Variants in ANO2 observed in about 807,000 individuals in gnomAD.
ANO2 encodes anoctamin 2.
Under a neutral mutation model 124.2 loss-of-function variants are expected in ANO2, and 101 were observed. The observed-to-expected ratio is 0.81, with a 90% CI of 0.69 to 0.96. ANO2 has a LOEUF of 0.96. ANO2 is among the 40% of genes least tolerant of loss of function. The probability of loss-of-function intolerance (pLI) is 0.00; values close to 1 mark genes in which losing one functional copy is unlikely to be tolerated. For synonymous variants in ANO2, 486 were observed against 482.5 expected (o/e 1.01, Z -0.09); for missense variants, 1,293 against 1,274.5 (o/e 1.01, Z -0.22).
intron 7 of ANO2, among the ~76,000 whole-genome samples, chr12:5,815,898 C>T (rs1217193223): frequency 6.6e-6 from 1 of 152,010 alleles, no homozygotes; most frequent in Non-Finnish European, 1.5e-5. Context: ...TAAAAGTAGG[C>T]ATTCAATAAA....
chr12:5,694,804 C>A (rs1949102319), intron 14 of ANO2, among the ~76,000 whole-genome samples: 1 of 152,018 alleles, frequency 6.6e-6, no homozygotes. Flanking sequence ...GCATTGGTGG[C>A]AGGGCTGAGA....
At position 5,648,745 on chromosome 12, in the gene ANO2, C is replaced by T. The variant is rs547689586; in HGVS notation, c.1546-944G>A. On this transcript the variant is annotated intron_variant, in intron 14 of 24. Coordinates refer to ENST00000682330, the MANE Select transcript of ANO2 (RefSeq NM_001364791.2). ...GGTAGCTGGGAAGACCATCTGAAGC[C>T]GTGTTTGGGAAGGTGCCGAGAATAT... is the stretch of plus-strand genomic sequence containing the variant. 3.3e-5 allele frequency among the ~76,000 whole-genome samples: 5 copies of T among 152,286 alleles called. No individual in the cohort carries two copies. In the East Asian group the frequency reaches 9.7e-4, roughly 29 times the overall value.
In ANO2 at chr12:5,717,334, T is replaced by C. The variant is rs145117444; in HGVS notation, c.1545+15186A>G. Among the ~76,000 whole-genome samples the C allele has an allele frequency of 3.9e-3, 601 of 152,314 alleles. 5 individuals are homozygous for C. The highest frequency in any genetic ancestry group is 0.013 in the African/African-American group (550 of 41,568). ...TTGACCCAGAGGGTATGGAATTGCA[T>C]AGCAGAGGTTCTCTTCTAATCGTAC... On this transcript the variant is annotated intron_variant, in intron 14 of 24. Coordinates refer to ENST00000682330, the MANE Select transcript of ANO2 (RefSeq NM_001364791.2).
intron 10 of ANO2, among the ~76,000 whole-genome samples, chr12:5,786,453 A>T (rs1388603056): frequency 6.6e-6 from 1 of 152,114 alleles, no homozygotes; most frequent in East Asian, 1.9e-4. Context: ...GGCCTCAGAC[A>T]TGATATCCCT....
intron 2 of ANO2, among the ~76,000 whole-genome samples, chr12:5,921,621 C>A (rs927739208): frequency 6.4e-4 from 98 of 152,206 alleles, no homozygotes; most frequent in African/African-American, 2.3e-3. Context: ...TCCATGCACA[C>A]ACACACTCAC....
At chr12:5,655,596 G>A (rs1261621516) in intron 14 of ANO2, among the ~76,000 whole-genome samples, 1 of 152,200 alleles carries the variant, frequency 6.6e-6, no homozygotes, top group Non-Finnish European at 1.5e-5. Context: ...CAAAAAATAA[G>A]AGCCACCATT....
rs201073269 is a variant in ANO2, at chr12:5,827,773, C to T, written c.888G>A (p.Thr296=). 1.2e-6 allele frequency: 2 copies of T among 1,611,044 alleles called. No individual in the cohort carries two copies. The highest frequency in any genetic ancestry group is 1.7e-5 in the Admixed American group (1 of 59,710). ...CCCGCGGGCTGGGGTCCTTACCCAT[C>T]GTGTTGTTGGCTCGGGAGCAGGCTG... ...KRTACSRANN[T]MGINSLIANN... Residue 296 remains threonine (T), a synonymous_variant, in exon 7 of 25, where the codon ACG becomes ACA. Coordinates refer to ENST00000682330, the MANE Select transcript of ANO2 (RefSeq NM_001364791.2).
At chr12:5,753,732 G>C (rs2080106) in intron 10 of ANO2, among the ~76,000 whole-genome samples, 1 of 152,164 alleles carries the variant, frequency 6.6e-6, no homozygotes, top group Non-Finnish European at 1.5e-5. Flanking sequence ...GATTTTTGCA[G>C]GTTGATTTAG....
chr12:5,923,093 C>CACACACACAT (rs1565783511), intron 1 of ANO2, among the ~76,000 whole-genome samples: 1 of 13,670 alleles, frequency 7.3e-5, no homozygotes, highest in Non-Finnish European at 8.5e-4. Flanking sequence ...CACACACACA[C>CACACACACAT]GCACACACAT....
chr12:5,776,448 T>C (rs563709453), intron 10 of ANO2, among the ~76,000 whole-genome samples: 1 of 152,328 alleles, frequency 6.6e-6, no homozygotes, highest in East Asian at 1.9e-4. Context: ...CACACAGGCA[T>C]TGTACAAGGC....
At chr12:5,581,327 G>C (rs192623829) in intron 20 of ANO2, among the ~76,000 whole-genome samples, 1 of 152,208 alleles carries the variant, frequency 6.6e-6, no homozygotes, top group African/African-American at 2.4e-5. Flanking sequence ...GCCTCCGCAA[G>C]GGTTTGGCAA....
chr12:5,596,298 T>C (rs1262039641), intron 20 of ANO2, among the ~76,000 whole-genome samples: 1 of 152,208 alleles, frequency 6.6e-6, no homozygotes, highest in East Asian at 1.9e-4. Flanking sequence ...AGCTATTCAT[T>C]TTGAATGTTA....
intron 24 of ANO2, among the ~76,000 whole-genome samples, chr12:5,564,046 A>G (rs967669469): frequency 8.5e-5 from 13 of 152,092 alleles, no homozygotes; most frequent in African/African-American, 2.9e-4. Flanking sequence ...TCCTCCCTCC[A>G]TCTGGCTCTC....
intron 3 of ANO2, among the ~76,000 whole-genome samples, chr12:5,914,514 G>A (rs1307583598): frequency 6.6e-6 from 1 of 152,192 alleles, no homozygotes; most frequent in East Asian, 1.9e-4. Flanking sequence ...AGCAGCTGTG[G>A]GCCCCCAGAC....
At position 5,635,830 on chromosome 12, in the gene ANO2, T is replaced by A. The variant is rs952213820; in HGVS notation, c.1621-483A>T. 1.3e-5 allele frequency among the ~76,000 whole-genome samples: 2 copies of A among 152,076 alleles called. No individual in the cohort carries two copies. The highest frequency in any genetic ancestry group is 2.4e-5 in the African/African-American group (1 of 41,398). On this transcript the variant is annotated intron_variant, in intron 15 of 24. Coordinates refer to ENST00000682330, the MANE Select transcript of ANO2 (RefSeq NM_001364791.2). This position sits in a 1 kb window ranked among gnomAD's most constrained non-coding sequence, Gnocchi z 5.2. Reference sequence around the variant, plus strand: ...CTCCAAGTACACGGGAGAAAGTAAATTTGAGTGGTCAGGGAATAGTTTGTG... The same window carrying A: ...CTCCAAGTACACGGGAGAAAGTAAAATTGAGTGGTCAGGGAATAGTTTGTG...
intron 12 of ANO2, among the ~76,000 whole-genome samples, chr12:5,741,661 T>C (rs1399238756): frequency 1.3e-5 from 2 of 152,186 alleles, no homozygotes; most frequent in African/African-American, 2.4e-5. Flanking sequence ...ACCATACTGA[T>C]GGAGAGCAGC....
At position 5,900,535 on chromosome 12, in the gene ANO2, G is replaced by A. The variant is rs767690773; in HGVS notation, c.534+20505C>T. 6.6e-6 allele frequency among the ~76,000 whole-genome samples: 1 copy of A among 151,778 alleles called. No individual in the cohort carries two copies. Among genetic ancestry groups the A allele is most frequent in the Non-Finnish European group, 1.5e-5 (1 of 67,998 alleles). ...CCCTTCCAACTCTTTCTGAGTCATCGAGGGCTTACCATAAAATAAAATGGA... is the reference window on the plus strand; with the variant it reads ...CCCTTCCAACTCTTTCTGAGTCATCAAGGGCTTACCATAAAATAAAATGGA... On this transcript the variant is annotated intron_variant, in intron 3 of 24. Transcript: ENST00000682330. The surrounding 1 kb of genome is among the most constrained non-coding windows in gnomAD (Gnocchi z 4.2).
intron 14 of ANO2, among the ~76,000 whole-genome samples, chr12:5,717,383 A>G (rs1466834119): frequency 6.6e-6 from 1 of 152,234 alleles, no homozygotes; most frequent in Non-Finnish European, 1.5e-5. Flanking sequence ...CCTGAAAGCC[A>G]AGGTAACAGA....
chr12:5,668,685 C>A lies in ANO2; in HGVS notation c.1546-20884G>T, dbSNP rs539110004. 2.2e-3 allele frequency among the ~76,000 whole-genome samples: 333 copies of A among 152,252 alleles called. 1 individual carries two copies. Among genetic ancestry groups the A allele is most frequent in the African/African-American group, 7.7e-3 (319 of 41,528 alleles). ...TATGGTTTTATAGTTTTGGGTTTTACATTTAACTATTTGATCCATCTTGAA... is the reference window on the plus strand; with the variant it reads ...TATGGTTTTATAGTTTTGGGTTTTAAATTTAACTATTTGATCCATCTTGAA... On this transcript the variant is annotated intron_variant, in intron 14 of 24. Transcript: ENST00000682330.
Sources: gnomAD v4.1 joint callset for allele counts (sites outside exome capture counted in the v4.1 genomes callset) on GRCh38, gnomAD v4.1.1 for gene constraint, Gnocchi (gnomAD v3.1) non-coding constraint, MANE v1.5 for transcripts, NCBI Gene and HGNC (gene_info 2026-07-23, HGNC 2026-07-21) for gene names.